The following SLC8A1 variants were observed in gnomAD, a reference collection of about 807,000 sequenced individuals.
The protein encoded by SLC8A1 is sodium/calcium exchanger 1.
A neutral mutation model predicts 68.3 loss-of-function variants in SLC8A1; 18 were observed. That is an observed-to-expected ratio of 0.26 (90% CI 0.18 to 0.39). The LOEUF (loss-of-function observed/expected upper bound fraction) is 0.39. SLC8A1 is among the 10% of genes least tolerant of loss of function. The pLI is 1.00. For synonymous variants in SLC8A1, 475 were observed against 415.5 expected (o/e 1.14, Z -1.74); for missense variants, 985 against 1,156.7 (o/e 0.85, Z 2.15).
chr2:40,178,791 C>T (rs561758706), intron 2 of SLC8A1, among the ~76,000 whole-genome samples: 1 of 152,086 alleles, frequency 6.6e-6, no homozygotes, highest in Non-Finnish European at 1.5e-5. Context: ...AAACACAGAT[C>T]ACAATAATAA....
At chr2:40,396,836 A>G (rs1295819005) in intron 2 of SLC8A1, among the ~76,000 whole-genome samples, 7 of 151,538 alleles carry the variant, frequency 4.6e-5, no homozygotes, top group African/African-American at 1.7e-4. Flanking sequence ...ATCAATGACA[A>G]TTATTCCAGT....
exon 2 of SLC8A1, chr2:40,428,609 C>T (rs368092520): frequency 1.5e-5 from 24 of 1,613,770 alleles, no homozygotes; most frequent in Non-Finnish European, 1.9e-5. Flanking sequence ...AATACTTTCA[C>T]CTCCATGATG....
At chr2:40,467,067 C>G (rs1444121656) in intron 1 of SLC8A1, among the ~76,000 whole-genome samples, 1 of 151,724 alleles carries the variant, frequency 6.6e-6, no homozygotes, top group African/African-American at 2.4e-5. Context: ...CTGGTGCACA[C>G]CAGGGGGACA....
intron 2 of SLC8A1, among the ~76,000 whole-genome samples, chr2:40,382,272 A>G (rs1223169196): frequency 2.0e-5 from 3 of 152,056 alleles, no homozygotes; most frequent in Non-Finnish European, 2.9e-5. Context: ...CTCCTAACCA[A>G]TCTCTACTTA....
intron 2 of SLC8A1, among the ~76,000 whole-genome samples, chr2:40,225,869 T>C (rs1283534980): frequency 2.0e-5 from 3 of 152,174 alleles, no homozygotes; most frequent in Non-Finnish European, 2.9e-5. Context: ...CACAGACAAG[T>C]ATGTTTATCA....
At position 40,284,660 on chromosome 2, in the gene SLC8A1, A is replaced by AT. The variant is rs1429021137; in HGVS notation, c.1809-106806_1809-106805insA. Among the ~76,000 whole-genome samples the AT allele has an allele frequency of 3.5e-5, 5 of 144,714 alleles. No homozygotes were observed. In the East Asian group the frequency reaches 1.1e-3, roughly 30 times the overall value. The allele number at this position is 144,714 out of a possible 152,430, so 94.9% of individuals were successfully genotyped here. The stretch of plus-strand genomic sequence containing the variant: ...GAAAAACATATATAAATATAAATAT[A>AT]AATATATATATACACACACACAATT... On this transcript the variant is annotated intron_variant, in intron 2 of 7. Coordinates refer to ENST00000406785, the Ensembl canonical transcript of SLC8A1.
intron 2 of SLC8A1, among the ~76,000 whole-genome samples, chr2:40,204,235 T>C (rs927153715): frequency 1.3e-4 from 20 of 152,086 alleles, no homozygotes; most frequent in Admixed American, 1.1e-3. Flanking sequence ...TTTAGACTGC[T>C]ACTTACTTTA....
At chr2:40,173,191 C>T (rs980088181) in intron 4 of SLC8A1, among the ~76,000 whole-genome samples, 1 of 152,026 alleles carries the variant, frequency 6.6e-6, no homozygotes, top group Non-Finnish European at 1.5e-5. Flanking sequence ...TCAAATCTCC[C>T]AGGGATAACT....
chr2:40,506,488 A>G (rs772880126), intron 1 of SLC8A1, among the ~76,000 whole-genome samples: 15 of 151,908 alleles, frequency 9.9e-5, no homozygotes, highest in Non-Finnish European at 1.8e-4. Context: ...TTTCTTTATA[A>G]CAAAACTTTG....
intron 2 of SLC8A1, among the ~76,000 whole-genome samples, chr2:40,286,435 T>G (rs968926510): frequency 6.6e-6 from 1 of 152,214 alleles, no homozygotes; most frequent in Non-Finnish European, 1.5e-5. Flanking sequence ...ATGCTTATGT[T>G]AAGACTACTA....
At chr2:40,321,078 T>A (rs1185284613) in intron 2 of SLC8A1, among the ~76,000 whole-genome samples, 1 of 152,180 alleles carries the variant, frequency 6.6e-6, no homozygotes, top group Non-Finnish European at 1.5e-5. Flanking sequence ...TGGCTCTGTA[T>A]ATTTTTCAAG....
chr2:40,194,608 T>C lies in SLC8A1; in HGVS notation c.1809-16753A>G, dbSNP rs113692863. On this transcript the variant is annotated intron_variant, in intron 2 of 7. Transcript: ENST00000406785. Reference sequence around the variant, plus strand: ...ATGATAAGAAATAGCCACTTAATATTGGAGGCAAATGAGGTCTAAAAAGAT... The same window carrying C: ...ATGATAAGAAATAGCCACTTAATATCGGAGGCAAATGAGGTCTAAAAAGAT... 4.3e-4 allele frequency among the ~76,000 whole-genome samples: 65 copies of C among 151,978 alleles called. No individual in the cohort carries two copies. The Middle Eastern group carries it at 0.017, about 40-fold the overall frequency.
At chr2:40,492,047 G>A (rs1323412116) in intron 1 of SLC8A1, among the ~76,000 whole-genome samples, 1 of 152,074 alleles carries the variant, frequency 6.6e-6, no homozygotes, top group Non-Finnish European at 1.5e-5. Context: ...TCAATCCTAA[G>A]CCAAAAGAAC....
intron 2 of SLC8A1, among the ~76,000 whole-genome samples, chr2:40,359,991 G>A (rs1015150828): frequency 4.0e-4 from 61 of 151,882 alleles, no homozygotes; most frequent in African/African-American, 1.4e-3. Context: ...CTGTGGTAGG[G>A]CTGCTCTTGA....
At chr2:40,230,430 A>G (rs1469577520) in intron 2 of SLC8A1, among the ~76,000 whole-genome samples, 1 of 152,134 alleles carries the variant, frequency 6.6e-6, no homozygotes, top group Non-Finnish European at 1.5e-5. Flanking sequence ...TCATTATAAC[A>G]GCCACACATT....
chr2:40,493,768 C>T (rs952949860), intron 1 of SLC8A1, among the ~76,000 whole-genome samples: 6 of 151,606 alleles, frequency 4.0e-5, no homozygotes, highest in African/African-American at 9.7e-5. Context: ...AATTCTCCTG[C>T]CTCAGCCTCC....
Position 40,477,779 on chromosome 2 carries a change from A to T in SLC8A1, c.-25+34570T>A, listed in dbSNP as rs370425705. On this transcript the variant is annotated intron_variant, in intron 1 of 7. Transcript: ENST00000402441. ...TGTGTGCACGTGTGTGTAGGGGGAG[A>T]TTTGACCAACATGGGGAATGAATGC... Among the ~76,000 whole-genome samples, 81 of 152,030 alleles carry T rather than the reference A, an allele frequency of 5.3e-4. No homozygotes were observed. In the Middle Eastern group the frequency reaches 0.01, roughly 19 times the overall value.
intron 2 of SLC8A1, among the ~76,000 whole-genome samples, chr2:40,401,888 C>A (rs138164298): frequency 6.8e-4 from 104 of 152,130 alleles, no homozygotes; most frequent in African/African-American, 2.4e-3. Flanking sequence ...GAAGTTAGTA[C>A]ACATAAAAAA....
At chr2:40,338,351 C>T (rs575729586) in intron 2 of SLC8A1, among the ~76,000 whole-genome samples, 20 of 152,214 alleles carry the variant, frequency 1.3e-4, no homozygotes, top group South Asian at 8.3e-4. Context: ...GTATATATGT[C>T]TGCATGTATA....
Sources: gnomAD v4.1 joint callset for allele counts (sites outside exome capture counted in the v4.1 genomes callset) on GRCh38, gnomAD v4.1.1 for gene constraint, MANE v1.5 for transcripts, NCBI Gene and HGNC (gene_info 2026-07-23, HGNC 2026-07-21) for gene names.